RGS7: variants seen among roughly 807,000 people sequenced by gnomAD.
RGS7 encodes the protein regulator of G-protein signaling 7.
Under a neutral mutation model 81.1 loss-of-function variants are expected in RGS7, and 27 were observed. The observed-to-expected ratio is 0.33, with a 90% CI of 0.25 to 0.46. The LOEUF (loss-of-function observed/expected upper bound fraction) is 0.46. Ranked by LOEUF, RGS7 falls within the 20% of genes least tolerant of loss-of-function variation. The probability of loss-of-function intolerance (pLI) is 1.00; values close to 1 mark genes in which losing one functional copy is unlikely to be tolerated. For synonymous variants in RGS7, 208 were observed against 207.7 expected (o/e 1.00, Z -0.01); for missense variants, 396 against 607.4 (o/e 0.65, Z 3.66).
At chr1:240,783,624 AAAAAAAT>A (rs1428366935) in intron 18 of RGS7, among the ~76,000 whole-genome samples, 3 of 151,910 alleles carry the variant, frequency 2.0e-5, no homozygotes, top group African/African-American at 4.8e-5. Context: ...CTCTGTCTCA[AAAAAAAT>A]AAAAAATAAA....
intron 2 of RGS7, among the ~76,000 whole-genome samples, chr1:241,345,261 G>C (rs894222492): frequency 6.6e-5 from 10 of 152,084 alleles, no homozygotes; most frequent in Non-Finnish European, 1.3e-4. Context: ...GAGAGGAGAG[G>C]ATCAGGAAAA....
At chr1:240,886,922 A>G (rs1667424295) in intron 6 of RGS7, among the ~76,000 whole-genome samples, 1 of 152,156 alleles carries the variant, frequency 6.6e-6, no homozygotes, top group South Asian at 2.1e-4. Context: ...CATGAGTTTG[A>G]AGACCTTGGG....
intron 4 of RGS7, among the ~76,000 whole-genome samples, chr1:240,959,216 C>T (rs1266132680): frequency 1.3e-5 from 2 of 152,192 alleles, no homozygotes; most frequent in African/African-American, 4.8e-5. Flanking sequence ...TTGATTTAAG[C>T]TGTGCAGCTA....
At chr1:241,284,616 T>C (rs544839288) in intron 2 of RGS7, among the ~76,000 whole-genome samples, 2 of 152,226 alleles carry the variant, frequency 1.3e-5, no homozygotes, top group Non-Finnish European at 2.9e-5. Context: ...TCTACTGACA[T>C]TGTGGTGGAA....
chr1:241,276,803 G>A (rs1182325527), intron 2 of RGS7, among the ~76,000 whole-genome samples: 2 of 152,112 alleles, frequency 1.3e-5, no homozygotes, highest in African/African-American at 4.8e-5. Flanking sequence ...CAAAACTAAT[G>A]GTGAATTTCC....
intron 2 of RGS7, among the ~76,000 whole-genome samples, chr1:241,350,741 C>CAAA (rs71172699): frequency 1.6e-4 from 14 of 88,528 alleles, no homozygotes; most frequent in South Asian, 4.5e-4. Context: ...GACCCCATCT[C>CAAA]AAAAAAAAAA....
chr1:240,812,862 C>A (rs140876488), intron 13 of RGS7, among the ~76,000 whole-genome samples: 122 of 152,222 alleles, frequency 8.0e-4, no homozygotes, highest in Non-Finnish European at 1.4e-3. Flanking sequence ...TGACCTAATC[C>A]CAACTGAGTC....
intron 2 of RGS7, among the ~76,000 whole-genome samples, chr1:241,106,664 C>T (rs1488330743): frequency 1.4e-5 from 2 of 145,510 alleles, no homozygotes; most frequent in Non-Finnish European, 3.0e-5. Flanking sequence ...TGCAGTGAGC[C>T]GAGATCGCGC....
intron 10 of RGS7, among the ~76,000 whole-genome samples, chr1:240,825,460 C>T (rs185291309): frequency 9.6e-4 from 146 of 152,250 alleles, no homozygotes; most frequent in African/African-American, 3.2e-3. Flanking sequence ...GAGAAAAATC[C>T]GTTTTCTCCA....
At position 240,984,103 on chromosome 1, in the gene RGS7, T is replaced by C. The variant is rs374494285; in HGVS notation, c.176-974A>G. ...GTCTATATGTAAGTGCTGGGAATAA[T>C]AGAAAATTGAAAGTAATAATGGAGT... On this transcript the variant is annotated intron_variant, in intron 3 of 18. Transcript: ENST00000440928. Among the ~76,000 whole-genome samples, 35 of 152,326 alleles carry C rather than the reference T, an allele frequency of 2.3e-4. 1 individual carries two copies. Among genetic ancestry groups the C allele is most frequent in the African/African-American group, 4.1e-4 (17 of 41,580 alleles).
intron 2 of RGS7, among the ~76,000 whole-genome samples, chr1:241,327,823 A>C (rs1377250706): frequency 6.6e-6 from 1 of 152,234 alleles, no homozygotes; most frequent in African/African-American, 2.4e-5. Context: ...CTATAATTAC[A>C]GATCTAAATT....
At chr1:241,316,909 A>T (rs2080912977) in intron 2 of RGS7, among the ~76,000 whole-genome samples, 1 of 152,212 alleles carries the variant, frequency 6.6e-6, no homozygotes, top group African/African-American at 2.4e-5. Flanking sequence ...ATACAGAATA[A>T]TATATGTGTT....
At chr1:240,977,123 C>CAG (rs1684242726) in intron 4 of RGS7, among the ~76,000 whole-genome samples, 1 of 151,050 alleles carries the variant, frequency 6.6e-6, no homozygotes, top group African/African-American at 2.4e-5. Flanking sequence ...CACACACACA[C>CAG]ACACACACAC....
intron 4 of RGS7, among the ~76,000 whole-genome samples, chr1:240,953,488 A>T (rs1355994887): frequency 6.6e-6 from 1 of 151,936 alleles, no homozygotes; most frequent in Non-Finnish European, 1.5e-5. Context: ...ATCTTTAGTA[A>T]CCCATAGGTC....
At chr1:241,130,493 G>C (rs2066999988) in intron 2 of RGS7, among the ~76,000 whole-genome samples, 1 of 152,040 alleles carries the variant, frequency 6.6e-6, no homozygotes, top group Non-Finnish European at 1.5e-5. Flanking sequence ...CAACATTTGA[G>C]GAAGTAAATA....
intron 2 of RGS7, among the ~76,000 whole-genome samples, chr1:241,236,831 C>G (rs2076006162): frequency 8.4e-6 from 1 of 118,488 alleles, no homozygotes; most frequent in African/African-American, 3.1e-5. Context: ...ATTCTAGGAT[C>G]TATAAAAAAA....
At chr1:241,210,407 C>T (rs991639733) in intron 2 of RGS7, among the ~76,000 whole-genome samples, 1 of 152,162 alleles carries the variant, frequency 6.6e-6, no homozygotes, top group South Asian at 2.1e-4. Context: ...CTCGGCCTCC[C>T]AAAGTGCTGG....
At chr1:240,790,283 AAAAAT>A (rs1245203820) in intron 18 of RGS7, among the ~76,000 whole-genome samples, 1 of 152,176 alleles carries the variant, frequency 6.6e-6, no homozygotes, top group Non-Finnish European at 1.5e-5. Flanking sequence ...AAAGAAATAA[AAAAAT>A]AAAATGAAGT....
At chr1:241,137,836 G>A (rs962655231) in intron 2 of RGS7, among the ~76,000 whole-genome samples, 1 of 152,148 alleles carries the variant, frequency 6.6e-6, no homozygotes, top group Non-Finnish European at 1.5e-5. Context: ...GGAACTTGAA[G>A]GCCTTCATGT....
Sources: gnomAD v4.1 joint callset for allele counts (sites outside exome capture counted in the v4.1 genomes callset) on GRCh38, gnomAD v4.1.1 for gene constraint, MANE v1.5 for transcripts, NCBI Gene and HGNC (gene_info 2026-07-23, HGNC 2026-07-21) for gene names.